The following DDR2 variants were observed in gnomAD, a reference collection of about 807,000 sequenced individuals.
DDR2 encodes the protein discoidin domain receptor tyrosine kinase 2.
A neutral mutation model predicts 94.9 loss-of-function variants in DDR2; 27 were observed. The ratio of observed to expected loss-of-function variants is 0.28; its 90% CI spans 0.21 to 0.39. The LOEUF is 0.39. Among genes scored for constraint, DDR2 ranks in the 10% least tolerant of loss-of-function variants. DDR2 has a pLI of 1.00. For synonymous variants in DDR2, 382 were observed against 377.2 expected (o/e 1.01, Z -0.15); for missense variants, 783 against 1,076.0 (o/e 0.73, Z 3.81).
rs1279651063 is a variant in DDR2 at position 162,786,340 on chromosome 1, G to A, written c.*6094G>A. The A allele has an allele frequency of 6.6e-6, 1 of 152,176 alleles. No individual in the cohort carries two copies. Among genetic ancestry groups the A allele is most frequent in the Non-Finnish European group, 1.5e-5 (1 of 68,046 alleles). 9.4% of individuals were successfully genotyped at this position (152,176 alleles called of 1,614,324 possible). A position where few individuals can be genotyped will look rare whatever the true frequency, so the allele number is the denominator to read the frequency against. On this transcript the variant is annotated 3_prime_UTR_variant, in exon 18 of 18. Transcript: ENST00000367921. ...TCTTCCTGTGATGAGGAAACATCTG[G>A]GCCCCCTTCTGCAGGCTTTGGAAGA... is the stretch of plus-strand genomic sequence containing the variant.
intron 3 of DDR2, among the ~76,000 whole-genome samples, chr1:162,735,484 A>G (rs149689368): frequency 1.3e-5 from 2 of 152,294 alleles, no homozygotes; most frequent in East Asian, 3.9e-4. Context: ...ATTAGGTCAA[A>G]TGGAGACTGA....
intron 2 of DDR2, among the ~76,000 whole-genome samples, chr1:162,700,333 T>G (rs984136934): frequency 6.6e-6 from 1 of 152,216 alleles, no homozygotes; most frequent in Non-Finnish European, 1.5e-5. Flanking sequence ...GAGTGCAATG[T>G]CTATTGGGCT....
rs143080882 is a variant in DDR2, at chr1:162,780,144, C to G, written c.2466C>G (p.Asp822Glu). 4 of 1,613,868 alleles carry G rather than the reference C, an allele frequency of 2.5e-6. No homozygotes were observed. The African/African-American group carries it at 4.0e-5, about 16-fold the overall frequency. The change falls in exon 18 of 18, where the codon GAC becomes GAG. Residue 822 changes from aspartate to glutamate, a missense_variant. Asp to Glu is a conservative substitution (Grantham distance 45). Coordinates refer to ENST00000367921, the MANE Select transcript of DDR2 (RefSeq NM_006182.4). ...TYLPQPAICPDSVYKLMLSCW... is the reference protein window; with the variant it reads ...TYLPQPAICPESVYKLMLSCW... ...TCCCTCAACCAGCCATTTGTCCTGA[C>G]TCTGTGTATAAGCTGATGCTCAGCT...
intron 14 of DDR2, among the ~76,000 whole-genome samples, chr1:162,775,257 T>TA (rs10657730): frequency 0.056 from 8,237 of 147,994 alleles, 489 homozygotes; most frequent in African/African-American, 0.15. Flanking sequence ...TCCATGGCTT[T>TA]AAAAAAAAAA....
chr1:162,729,302 T>TATATA (rs67580875), intron 3 of DDR2, among the ~76,000 whole-genome samples: 29 of 78,942 alleles, frequency 3.7e-4, no homozygotes, highest in South Asian at 1.3e-3. Flanking sequence ...ATATATATAT[T>TATATA]TTTTTTTTTT....
intron 1 of DDR2, among the ~76,000 whole-genome samples, chr1:162,648,074 G>C (rs977424420): frequency 7.0e-6 from 1 of 143,670 alleles, no homozygotes; most frequent in African/African-American, 2.6e-5. Context: ...TTTTTTTTGA[G>C]TACTTACTAA....
chr1:162,776,957 TATAG>T (rs1647594822), intron 16 of DDR2, among the ~76,000 whole-genome samples: 1 of 152,192 alleles, frequency 6.6e-6, no homozygotes, highest in South Asian at 2.1e-4. Context: ...TCAGCTGATT[TATAG>T]ACTCATTAGA....
At position 162,755,764 on chromosome 1, in the gene DDR2, A is replaced by T. The variant is rs1663432529; in HGVS notation, c.666A>T (p.Gly222=). Residue 222 remains glycine, a synonymous_variant, in exon 7 of 18, where the codon GGA becomes GGT. Transcript: ENST00000367921. The part of the protein sequence containing the change: ...LNDSVYDGAV[G]YSMTEGLGQL... ...ATTCTGTCTATGATGGAGCTGTTGG[A>T]TACAGGTAAATCCTGGGAAACTTTA... 6.2e-7 allele frequency: 1 copy of T among 1,613,792 alleles called. No individual in the cohort carries two copies. Among genetic ancestry groups the T allele is most frequent in the Non-Finnish European group, 8.5e-7 (1 of 1,179,778 alleles).
chr1:162,659,912 A>G (rs1658204802), intron 2 of DDR2, among the ~76,000 whole-genome samples: 1 of 152,150 alleles, frequency 6.6e-6, no homozygotes, highest in Non-Finnish European at 1.5e-5. Flanking sequence ...GCTGCTAGGT[A>G]GAATCTTATT....
intron 2 of DDR2, among the ~76,000 whole-genome samples, chr1:162,707,617 G>T (rs781670380): frequency 1.3e-5 from 2 of 152,100 alleles, no homozygotes; most frequent in African/African-American, 4.8e-5. Context: ...GCTCACAGGC[G>T]CTAGTCATGT....
intron 1 of DDR2, among the ~76,000 whole-genome samples, chr1:162,635,502 C>G (rs1454154784): frequency 6.6e-6 from 1 of 152,148 alleles, no homozygotes; most frequent in Non-Finnish European, 1.5e-5. Context: ...CACAGACATG[C>G]TAACATTCTT....
chr1:162,690,069 T>C (rs1659898955), intron 2 of DDR2, among the ~76,000 whole-genome samples: 1 of 151,568 alleles, frequency 6.6e-6, no homozygotes, highest in Admixed American at 6.6e-5. Flanking sequence ...TATTTAGTCC[T>C]GTCTTATCAT....
intron 7 of DDR2, among the ~76,000 whole-genome samples, chr1:162,756,639 G>A (rs1319209221): frequency 5.9e-5 from 9 of 152,170 alleles, no homozygotes; most frequent in Non-Finnish European, 1.2e-4. Flanking sequence ...GGAGATACTA[G>A]TGAGTCTCAG....
chr1:162,665,510 T>C (rs1372305797), intron 2 of DDR2, among the ~76,000 whole-genome samples: 1 of 151,806 alleles, frequency 6.6e-6, no homozygotes, highest in Non-Finnish European at 1.5e-5. Flanking sequence ...ATGTACCATT[T>C]CCTTTATAAT....
intron 2 of DDR2, among the ~76,000 whole-genome samples, chr1:162,681,693 G>C (rs1337813161): frequency 6.6e-6 from 1 of 152,080 alleles, no homozygotes; most frequent in African/African-American, 2.4e-5. Context: ...AACTCTCTGG[G>C]GTCCTTAGTA....
At chr1:162,768,680 G>C (rs965958315) in intron 11 of DDR2, among the ~76,000 whole-genome samples, 1 of 152,176 alleles carries the variant, frequency 6.6e-6, no homozygotes, top group East Asian at 1.9e-4. Flanking sequence ...CCACCCTCAG[G>C]TTCCTGAGAT....
intron 5 of DDR2, 91 bp downstream of exon 5, chr1:162,754,946 A>G: frequency 6.6e-7 from 1 of 1,511,872 alleles, no homozygotes; most frequent in South Asian, 1.2e-5. Flanking sequence ...CTGTGTGGAT[A>G]TGTGTGTCCA....
chr1:162,749,961 C>A (rs1025789590), intron 3 of DDR2, among the ~76,000 whole-genome samples: 2 of 152,176 alleles, frequency 1.3e-5, no homozygotes, highest in African/African-American at 4.8e-5. Context: ...AATTCAACAG[C>A]CCTTCATGCT....
rs188934655 is a variant in DDR2, at chr1:162,679,200, G to A, written c.-28+23826G>A. ...TTCTGATTCTCTCCCTCCTCCCACT[G>A]ACCATCCTCAAGTAGGCCCCAGAGT... On this transcript the variant is annotated intron_variant, in intron 2 of 17. Coordinates refer to ENST00000367921, the MANE Select transcript of DDR2 (RefSeq NM_006182.4). Among the ~76,000 whole-genome samples, 27 of 151,738 alleles carry A rather than the reference G, an allele frequency of 1.8e-4. No homozygotes were observed. The East Asian group carries it at 5.2e-3, about 29-fold the overall frequency.
Sources: allele counts gnomAD v4.1 joint callset (sites outside exome capture counted in the v4.1 genomes callset), GRCh38; gene constraint gnomAD v4.1.1; transcripts MANE v1.5; gene names NCBI Gene and HGNC (gene_info 2026-07-23, HGNC 2026-07-21).